The following HEATR1 variants were observed in gnomAD, a reference collection of about 807,000 sequenced individuals.
HEATR1 encodes the protein HEAT repeat containing 1.
Under a neutral mutation model 248.2 loss-of-function variants are expected in HEATR1, and 77 were observed. The observed-to-expected ratio is 0.31, with a 90% CI of 0.26 to 0.37. The LOEUF is 0.37. HEATR1 is among the 10% of genes least tolerant of loss of function. The pLI is 1.00. For synonymous variants in HEATR1, 897 were observed against 923.1 expected, an observed-to-expected ratio of 0.97 and a Z score of 0.51; for missense variants, 2,420 against 2,504.9, an observed-to-expected ratio of 0.97 and a Z score of 0.72.
Position 236,565,996 on chromosome 1 carries a change from T to A in HEATR1, c.4358A>T (p.Glu1453Val). ...TTGTATCTGATGCTGGACACTAAAC[T>A]CACAACAGACTGAAAACCAAAATTC... ...DTEFWFSVCC[E>V]FSVQHQIQSL... The change falls in exon 31 of 45, where the codon GAG (glutamate) becomes GTG (valine). Residue 1453 changes from glutamate to valine, a missense_variant. Physicochemically the swap from Glu to Val is moderately radical, Grantham distance 121 (BLOSUM62 -2). Coordinates refer to ENST00000366582, the MANE Select transcript of HEATR1 (RefSeq NM_018072.6). 2.5e-6 allele frequency: 4 copies of A among 1,613,900 alleles called. No individual in the cohort carries two copies. The highest frequency in any genetic ancestry group is 3.4e-6 in the Non-Finnish European group (4 of 1,179,874).
In HEATR1 at chr1:236,571,646, A is replaced by G. The variant is rs199851350; in HGVS notation, c.3748T>C (p.Tyr1250His). ...CAACTAAGAATTAATTGTTTGGTGT[A>G]TTCCATATTTCCCTGCTCTTGTGGC... Reference protein sequence around the residue: ...PLPQEQGNMEYTKQLILSCLL... With the variant: ...PLPQEQGNMEHTKQLILSCLL... The change falls in exon 27 of 45, where the codon TAC (tyrosine) becomes CAC (histidine). Residue 1250 changes from tyrosine (Y) to histidine (H), a missense_variant. Physicochemically the swap from Tyr to His is moderately conservative, Grantham distance 83 (BLOSUM62 2). Coordinates refer to ENST00000366582, the MANE Select transcript of HEATR1 (RefSeq NM_018072.6). The G allele has an allele frequency of 2.4e-5, 39 of 1,614,014 alleles. No individual in the cohort carries two copies. Among genetic ancestry groups the G allele is most frequent in the Non-Finnish European group, 3.1e-5 (37 of 1,179,968 alleles).
At chr1:236,593,928 T>C (rs1299369641) in intron 9 of HEATR1, 84 bp downstream of exon 9, 4 of 849,480 alleles carry the variant, frequency 4.7e-6, no homozygotes, top group Non-Finnish European at 7.7e-6. Flanking sequence ...TAAAAAGGAA[T>C]GCTGGGAAAT....
chr1:236,592,174 C>G, intron 10 of HEATR1, 64 bp from the exon 11 acceptor site: 1 of 822,446 alleles, frequency 1.2e-6, no homozygotes, highest in South Asian at 1.9e-5. Context: ...ATACACCATA[C>G]ACATATAAAG....
intron 34 of HEATR1, 44 bp from the exon 35 acceptor site, chr1:236,559,179 A>T (rs561252196): frequency 3.5e-5 from 47 of 1,340,184 alleles, no homozygotes; most frequent in African/African-American, 2.1e-4. Flanking sequence ...AAAACAAATT[A>T]AAAAAAAAAC....
intron 28 of HEATR1, 128 bp downstream of exon 28, chr1:236,571,223 G>C (rs1465785031): frequency 2.6e-6 from 3 of 1,135,412 alleles, no homozygotes; most frequent in African/African-American, 3.2e-5. Flanking sequence ...GCAGGGCTGA[G>C]AGTCTCACCA....
At position 236,586,376 on chromosome 1, in the gene HEATR1, GA is replaced by G. The variant is rs1663885023; in HGVS notation, c.1791del (p.Gln598ArgfsTer22). 1 of 1,612,998 alleles carries G rather than the reference GA, an allele frequency of 6.2e-7. No homozygotes were observed. The highest frequency in any genetic ancestry group is 1.3e-5 in the African/African-American group (1 of 74,954). ...AATGGCAGCAAACATACAACCACCT[GA>G]TTTGACAACTGATCATTTTCACTCA... ...EILSENDQLSNQVVVCLLPFM... is the reference protein window; with the variant it reads ...EILSENDQLSXQVVVCLLPFM... On this transcript the variant is annotated frameshift_variant, in exon 15 of 45. Transcript: ENST00000366582. LOFTEE classifies it high-confidence loss of function.
chr1:236,569,740 A>G (rs959842527), intron 28 of HEATR1, among the ~76,000 whole-genome samples: 2 of 152,186 alleles, frequency 1.3e-5, no homozygotes, highest in African/African-American at 4.8e-5. Context: ...CTCCAAAGCT[A>G]AACATAAAAT....
intron 34 of HEATR1, 71 bp downstream of exon 34, chr1:236,559,643 C>A: frequency 6.7e-7 from 1 of 1,483,638 alleles, no homozygotes; most frequent in Admixed American, 2.1e-5. Context: ...TTCTTAAAAA[C>A]TTTACATAAT....
chr1:236,580,673 C>G (rs146571017), intron 20 of HEATR1, among the ~76,000 whole-genome samples: 2 of 151,950 alleles, frequency 1.3e-5, no homozygotes, highest in African/African-American at 4.8e-5. Flanking sequence ...CGCACCATCA[C>G]GCCCAGCTAA....
intron 32 of HEATR1, among the ~76,000 whole-genome samples, chr1:236,563,280 T>C (rs182300204): frequency 2.0e-5 from 3 of 151,208 alleles, no homozygotes; most frequent in South Asian, 4.2e-4. Context: ...TCCTTTTTTT[T>C]ATTTTTTTTA....
In HEATR1 at chr1:236,583,129, T is replaced by C. The variant is rs1298971377; in HGVS notation, c.2309A>G (p.His770Arg). Residue 770 changes from histidine (H) to arginine (R), a missense_variant, in exon 18 of 45, where the codon CAT (histidine) becomes CGT (arginine). By Grantham distance (29) the His-to-Arg change is conservative (BLOSUM62 0). Coordinates refer to ENST00000366582, the MANE Select transcript of HEATR1 (RefSeq NM_018072.6). ...DRGIPVELWA[H>R]YVEELNSTQR... ...AGTGCTGTTGAGCTCTTCTACATAATGTGCCCACAGCTCCACTGGGATCCC... is the reference window on the plus strand; with the variant it reads ...AGTGCTGTTGAGCTCTTCTACATAACGTGCCCACAGCTCCACTGGGATCCC... The C allele has an allele frequency of 6.2e-7, 1 of 1,613,956 alleles. No homozygotes were observed. The highest frequency in any genetic ancestry group is 1.3e-5 in the African/African-American group (1 of 74,942).
intron 26 of HEATR1, 73 bp from the exon 27 acceptor site, chr1:236,571,759 T>G: frequency 7.1e-5 from 68 of 953,612 alleles, no homozygotes; most frequent in Non-Finnish European, 1.0e-4. Flanking sequence ...TAATGGCCAT[T>G]GTCCAGAACT....
chr1:236,574,177 A>T, intron 24 of HEATR1, 25 bp downstream of exon 24: 1 of 1,576,474 alleles, frequency 6.3e-7, no homozygotes, highest in South Asian at 1.2e-5. Flanking sequence ...TTAATAAAAA[A>T]AATTACAAGA....
At chr1:236,552,802 T>G (rs1157192988) in intron 43 of HEATR1, 1 of 152,210 alleles carries the variant, frequency 6.6e-6, no homozygotes, top group Admixed American at 6.5e-5. Flanking sequence ...AAAAAACCAT[T>G]TGTAACTACC....
At chr1:236,568,899 A>AAAAAAAAAAAC (rs1663346571) in intron 29 of HEATR1, 97 bp downstream of exon 29, 5 of 543,994 alleles carry the variant, frequency 9.2e-6, no homozygotes, top group Non-Finnish European at 1.3e-5. Flanking sequence ...AAAAAAAAAC[A>AAAAAAAAAAAC]AAAAAAAAAA....
rs1369016226 is a variant in HEATR1 at position 236,550,909 on chromosome 1, T to C, written c.6428A>G (p.Tyr2143Cys). ...GAAACACCACAGAAAGTCTTAGAAA[T>C]AGCTCTGGAGTGGCTCTCCCAGGAC... ...ETVLGEPLQS[Y>C]F Residue 2143 changes from tyrosine (Y) to cysteine (C), a missense_variant, in exon 45 of 45, where the codon TAT becomes TGT. Tyr to Cys is a radical substitution (Grantham distance 194). Coordinates refer to ENST00000366582, the MANE Select transcript of HEATR1 (RefSeq NM_018072.6). 3 of 1,601,048 alleles carry C rather than the reference T, an allele frequency of 1.9e-6. No individual in the cohort carries two copies. The highest frequency in any genetic ancestry group is 1.7e-6 in the Non-Finnish European group (2 of 1,175,644).
chr1:236,576,335 G>A lies in HEATR1; in HGVS notation c.2968C>T (p.Leu990=). 1.2e-6 allele frequency: 2 copies of A among 1,609,746 alleles called. No homozygotes were observed. Among genetic ancestry groups the A allele is most frequent in the Non-Finnish European group, 1.7e-6 (2 of 1,178,532 alleles). ...TCAGACAACTTCTGATGAGATTTCA[G>A]TTTCTTTTCTCTCTGTAGTTCCTCA... ...LFEELQREKK[L]KSHQKLSETL... Residue 990 remains leucine, a synonymous_variant, in exon 22 of 45, where the codon CTG becomes TTG. Coordinates refer to ENST00000366582, the MANE Select transcript of HEATR1 (RefSeq NM_018072.6).
chr1:236,565,381 T>C (rs1342314661), intron 31 of HEATR1, among the ~76,000 whole-genome samples: 1 of 152,194 alleles, frequency 6.6e-6, no homozygotes, highest in Non-Finnish European at 1.5e-5. Context: ...GGTCTTGAAC[T>C]GCGCTAAAGT....
At chr1:236,561,599 A>G (rs1663135937) in intron 32 of HEATR1, among the ~76,000 whole-genome samples, 1 of 152,188 alleles carries the variant, frequency 6.6e-6, no homozygotes, top group South Asian at 2.1e-4. Context: ...GAAGTTAAAC[A>G]TTACAGATTC....
Sources: allele counts gnomAD v4.1 joint callset (sites outside exome capture counted in the v4.1 genomes callset), GRCh38; gene constraint gnomAD v4.1.1; transcripts MANE v1.5; gene names NCBI Gene and HGNC (gene_info 2026-07-23, HGNC 2026-07-21).